MELTF: variants seen among roughly 807,000 people sequenced by gnomAD.
MELTF encodes the protein melanotransferrin, also known as antigen p97 (melanoma associated) identified by monoclonal antibodies 133.2 and 96.5.
Under a neutral mutation model 83.7 loss-of-function variants are expected in MELTF, and 67 were observed. That is an observed-to-expected ratio of 0.80 (90% confidence interval 0.66 to 0.98). The LOEUF (loss-of-function observed/expected upper bound fraction) is 0.98, where lower values mean the gene tolerates loss of function less well. Ranked by LOEUF, MELTF falls within the 50% of genes least tolerant of loss-of-function variation. MELTF has a pLI of 0.00. For missense variants in MELTF, 1,002 were observed against 1,035.6 expected, an observed-to-expected ratio of 0.97 and a Z score of 0.44; for synonymous variants, 462 against 447.6, an observed-to-expected ratio of 1.03 and a Z score of -0.41.
chr3:197,003,087 A>C lies in MELTF; in HGVS notation c.*285T>G. On this transcript the variant is annotated 3_prime_UTR_variant, in exon 16 of 16. Transcript: ENST00000296350. This position sits in a 1 kb window ranked among gnomAD's most constrained non-coding sequence, Gnocchi z 6.2. ...CGACACCGCGGGGCGGGCGGCGGGA[A>C]GCCCGGACTCAGCGGTTTCCTGGGC... is the stretch of plus-strand genomic sequence containing the variant. 6.6e-6 allele frequency: 1 copy of C among 151,256 alleles called. No homozygotes were observed. Among genetic ancestry groups the C allele is most frequent in the Non-Finnish European group, 1.4e-5 (1 of 69,538 alleles). 9.4% of individuals were successfully genotyped at this position (151,256 alleles called of 1,614,324 possible).
Position 197,017,216 on chromosome 3 carries a change from C to G in MELTF, c.787G>C (p.Ala263Pro). The change falls in exon 7 of 16, where the codon GCC (alanine) becomes CCC (proline). Residue 263 changes from alanine to proline, a missense_variant. Coordinates refer to ENST00000296350, the MANE Select transcript of MELTF (RefSeq NM_005929.6). The part of the protein sequence containing the change: ...FELLCRDGSR[A>P]DVTEWRQCHL... Reference sequence around the variant, plus strand: ...CACTGCCTCCACTCGGTGACATCGGCCCGGCTACCATCCCGGCACAGCAGC... The same window carrying G: ...CACTGCCTCCACTCGGTGACATCGGGCCGGCTACCATCCCGGCACAGCAGC... The G allele has an allele frequency of 6.3e-7, 1 of 1,598,216 alleles. No individual in the cohort carries two copies. Among genetic ancestry groups the G allele is most frequent in the Admixed American group, 1.8e-5 (1 of 56,994 alleles).
chr3:197,015,808 C>G (rs1212204694), intron 8 of MELTF, among the ~76,000 whole-genome samples: 7 of 152,128 alleles, frequency 4.6e-5, no homozygotes, highest in African/African-American at 7.2e-5. Flanking sequence ...TAGACTACTG[C>G]AATAGTCCAG....
At chr3:197,027,668 G>T in intron 2 of MELTF, 88 bp downstream of exon 2, 2 of 1,447,240 alleles carry the variant, frequency 1.4e-6, no homozygotes, top group Non-Finnish European at 1.9e-6. Flanking sequence ...GGGCGAGGTC[G>T]GCTCCTTTCC....
At chr3:197,010,587 C>A in intron 10 of MELTF, 111 bp downstream of exon 10, 1 of 896,398 alleles carries the variant, frequency 1.1e-6, no homozygotes, top group South Asian at 1.5e-5. Flanking sequence ...AGCCACTATC[C>A]CCAGGAGAGA....
chr3:197,015,685 G>A (rs1022476842), intron 8 of MELTF, among the ~76,000 whole-genome samples, 169 bp from the exon 9 acceptor site: 2 of 152,190 alleles, frequency 1.3e-5, no homozygotes. Context: ...CAACTGTGAG[G>A]CCTGAGGAAG....
chr3:197,004,448 G>GATCTA, intron 14 of MELTF: 12 of 348,398 alleles, frequency 3.4e-5, no homozygotes, highest in Middle Eastern at 9.4e-4. Flanking sequence ...GGCCTGCTGA[G>GATCTA]CACTTCTTGG....
In MELTF at chr3:197,003,738, C is replaced by T. The variant is rs561893078; in HGVS notation, c.2137+163G>A. On this transcript the variant is annotated intron_variant, in intron 15 of 15. Coordinates refer to ENST00000296350, the MANE Select transcript of MELTF (RefSeq NM_005929.6). This position sits in a 1 kb window ranked among gnomAD's most constrained non-coding sequence, Gnocchi z 6.2. Reference sequence around the variant, plus strand: ...CCGCCGGGCTCCCGCCCTCCCGGCCCGCAGCCTCCTGGCCAAAATCCTCCC... The same window carrying T: ...CCGCCGGGCTCCCGCCCTCCCGGCCTGCAGCCTCCTGGCCAAAATCCTCCC... The T allele has an allele frequency of 5.5e-5, 44 of 797,580 alleles. No individual in the cohort carries two copies. Among genetic ancestry groups the T allele is most frequent in the Admixed American group, 1.2e-4 (4 of 34,264 alleles). The allele number at this position is 797,580 out of a possible 1,614,324, so 49.4% of individuals were successfully genotyped here. A position where few individuals can be genotyped will look rare whatever the true frequency, so the allele number is the denominator to read the frequency against.
At position 197,006,976 on chromosome 3, in the gene MELTF, A is replaced by C. The variant is rs1371579905; in HGVS notation, c.1751-240T>G. ...TAGCAGGGAGTAGGGAGTACCTACT[A>C]TGTGACAAGTACTTTACACGCGTTG... On this transcript the variant is annotated intron_variant, in intron 13 of 15. Coordinates refer to ENST00000296350, the MANE Select transcript of MELTF (RefSeq NM_005929.6). The surrounding 1 kb of genome is among the most constrained non-coding windows in gnomAD (Gnocchi z 5.4). 6.6e-6 allele frequency among the ~76,000 whole-genome samples: 1 copy of C among 152,196 alleles called. No homozygotes were observed. Among genetic ancestry groups the C allele is most frequent in the Admixed American group, 6.5e-5 (1 of 15,282 alleles).
In MELTF at chr3:197,024,576, T is replaced by C; in HGVS notation, c.305-91A>G. 1 of 1,194,836 alleles carries C rather than the reference T, an allele frequency of 8.4e-7. No homozygotes were observed. Among genetic ancestry groups the C allele is most frequent in the Non-Finnish European group, 1.2e-6 (1 of 850,054 alleles). 74.0% of individuals were successfully genotyped at this position (1,194,836 alleles called of 1,614,324 possible). ...CTGCCTGGGCGGGCTGTGGGAGAGG[T>C]GTGTGCACGGAGCACGGCTGTACAC... is the stretch of plus-strand genomic sequence containing the variant. On this transcript the variant is annotated intron_variant, in intron 3 of 15. Transcript: ENST00000296350. This position sits in a 1 kb window ranked among gnomAD's most constrained non-coding sequence, Gnocchi z 5.3.
intron 6 of MELTF, among the ~76,000 whole-genome samples, chr3:197,020,666 T>G (rs186516646): frequency 2.5e-3 from 373 of 146,562 alleles, no homozygotes; most frequent in South Asian, 0.019. Context: ...TCTTTGTGGG[T>G]TTTTTTTTTG....
intron 4 of MELTF, among the ~76,000 whole-genome samples, chr3:197,023,509 G>A (rs1259859632): frequency 6.6e-6 from 1 of 152,188 alleles, no homozygotes; most frequent in Non-Finnish European, 1.5e-5. Flanking sequence ...CCCTTCTCAC[G>A]GCACAGGGAG....
chr3:197,014,383 G>GT (rs71623319), intron 9 of MELTF, among the ~76,000 whole-genome samples: 1,593 of 100,982 alleles, frequency 0.016, 58 homozygotes, highest in Middle Eastern at 0.046. Context: ...AATAGGGAGA[G>GT]TTTTTTTTTT....
Position 197,003,491 on chromosome 3 carries a change from C to A in MELTF, c.2138-40G>T. ...GGCGGGTCAGGCCCCGAAGCCCGGGCCGCGGTGGCCGCCTCAGGCGCCCGC... is the reference window on the plus strand; with the variant it reads ...GGCGGGTCAGGCCCCGAAGCCCGGGACGCGGTGGCCGCCTCAGGCGCCCGC... On this transcript the variant is annotated intron_variant, in intron 15 of 15. Coordinates refer to ENST00000296350, the MANE Select transcript of MELTF (RefSeq NM_005929.6). This position sits in a 1 kb window ranked among gnomAD's most constrained non-coding sequence, Gnocchi z 6.2. The A allele has an allele frequency of 1.2e-6, 1 of 861,854 alleles. No individual in the cohort carries two copies. Among genetic ancestry groups the A allele is most frequent in the Non-Finnish European group, 1.4e-6 (1 of 712,114 alleles). The allele number at this position is 861,854 out of a possible 1,614,324, so 53.4% of individuals were successfully genotyped here.
chr3:197,009,938 C>A, intron 10 of MELTF, 126 bp from the exon 11 acceptor site: 1 of 905,326 alleles, frequency 1.1e-6, no homozygotes, highest in Non-Finnish European at 1.7e-6. Flanking sequence ...CCAAAGAGTA[C>A]CCAGGCCTGA....
rs1358403427 is a variant in MELTF, at chr3:197,024,120, A to AGCG, written c.487+180_487+182dup. Among the ~76,000 whole-genome samples the AGCG allele has an allele frequency of 1.5e-5, 2 of 137,670 alleles. No individual in the cohort carries two copies. The highest frequency in any genetic ancestry group is 5.4e-5 in the African/African-American group (2 of 37,082). 90.3% of individuals were successfully genotyped at this position (137,670 alleles called of 152,430 possible). ...CAGGGTCCAAGCAAGCAGGAAGTCAAGCGGCGGCGCCGGCGGCAGAGTGGA... is the reference window on the plus strand; with the variant it reads ...CAGGGTCCAAGCAAGCAGGAAGTCAAGCGGCGGCGGCGCCGGCGGCAGAGTGGA... On this transcript the variant is annotated intron_variant, in intron 4 of 15. Coordinates refer to ENST00000296350, the MANE Select transcript of MELTF (RefSeq NM_005929.6). This position sits in a 1 kb window ranked among gnomAD's most constrained non-coding sequence, Gnocchi z 5.3.
At chr3:197,017,863 C>A (rs891629972) in intron 6 of MELTF, among the ~76,000 whole-genome samples, 16 of 151,920 alleles carry the variant, frequency 1.1e-4, no homozygotes, top group Non-Finnish European at 2.2e-4. Context: ...GGCGACAGAG[C>A]GAAACTCTGT....
intron 7 of MELTF, 57 bp from the exon 8 acceptor site, chr3:197,016,426 C>T (rs1719379374): frequency 6.4e-6 from 9 of 1,407,636 alleles, no homozygotes; most frequent in Non-Finnish European, 8.4e-6. Flanking sequence ...CCATATCCTT[C>T]CCTCCCACTT....
At chr3:197,015,612 C>T in intron 8 of MELTF, 96 bp from the exon 9 acceptor site, 1 of 1,348,682 alleles carries the variant, frequency 7.4e-7, no homozygotes, top group Non-Finnish European at 1.0e-6. Flanking sequence ...TTTCTCCTGT[C>T]AGGTGTGTGG....
At chr3:197,012,024 C>CCCAACGAG (rs1429816253) in intron 9 of MELTF, among the ~76,000 whole-genome samples, 1 of 152,196 alleles carries the variant, frequency 6.6e-6, no homozygotes, top group African/African-American at 2.4e-5. Flanking sequence ...TAAAGACCCT[C>CCCAACGAG]CCAACGAGCC....
Sources: gnomAD v4.1 joint callset for allele counts (sites outside exome capture counted in the v4.1 genomes callset) on GRCh38, gnomAD v4.1.1 for gene constraint, Gnocchi (gnomAD v3.1) non-coding constraint, MANE v1.5 for transcripts, NCBI Gene and HGNC (gene_info 2026-07-23, HGNC 2026-07-21) for gene names.